Variants in DIP2C observed in about 807,000 individuals in gnomAD.
DIP2C encodes DIP2 acetate--CoA ligase C (putative).
In DIP2C, 33 loss-of-function variants were observed where a neutral mutation model predicts 192.4. The observed-to-expected ratio is 0.17, with a 90% CI of 0.13 to 0.23. The LOEUF is 0.23. DIP2C is among the 10% of genes least tolerant of loss of function. The pLI is 1.00. For missense variants in DIP2C, 1,537 were observed against 2,110.1 expected (o/e 0.73, Z 5.32); for synonymous variants, 979 against 864.1 (o/e 1.13, Z -2.33).
intron 32 of DIP2C, among the ~76,000 whole-genome samples, chr10:292,922 G>A (rs1955565904): frequency 6.6e-6 from 1 of 152,208 alleles, no homozygotes; most frequent in Admixed American, 6.5e-5. Flanking sequence ...CCACCCCCTG[G>A]CAGCACCCGC....
At chr10:375,508 G>A (rs1961455452) in intron 17 of DIP2C, among the ~76,000 whole-genome samples, 1 of 152,300 alleles carries the variant, frequency 6.6e-6, no homozygotes, top group South Asian at 2.1e-4. Context: ...GAAAGAAGCA[G>A]GCCAGACCTT....
intron 1 of DIP2C, among the ~76,000 whole-genome samples, chr10:514,205 C>T (rs1846209931): frequency 7.2e-6 from 1 of 138,724 alleles, no homozygotes; most frequent in Non-Finnish European, 1.5e-5. Flanking sequence ...AACCACCCCC[C>T]TTCCTTGGGC....
At chr10:581,163 C>CCA (rs567645264) in intron 1 of DIP2C, among the ~76,000 whole-genome samples, 234 of 152,198 alleles carry the variant, frequency 1.5e-3, no homozygotes, top group South Asian at 5.0e-3. Context: ...TGGACATCCC[C>CCA]CACCTGGCCA....
chr10:512,510 G>GGA (rs10650733), intron 1 of DIP2C, among the ~76,000 whole-genome samples: 4,286 of 152,340 alleles, frequency 0.028, 135 homozygotes, highest in African/African-American at 0.075. Context: ...TGATCACCCA[G>GGA]GAGGTGAAGG....
At chr10:309,224 C>CT (rs1378717165) in intron 32 of DIP2C, among the ~76,000 whole-genome samples, 1 of 152,100 alleles carries the variant, frequency 6.6e-6, no homozygotes, top group Non-Finnish European at 1.5e-5. Flanking sequence ...AGAGATTCCT[C>CT]TAAAGGGCTT....
At chr10:643,487 C>G (rs1855307290) in intron 1 of DIP2C, among the ~76,000 whole-genome samples, 2 of 152,136 alleles carry the variant, frequency 1.3e-5, no homozygotes, top group East Asian at 3.9e-4. Context: ...GCACTCCAGC[C>G]TGGGTGACAG....
At chr10:592,596 T>A (rs1242665616) in intron 1 of DIP2C, among the ~76,000 whole-genome samples, 1 of 152,200 alleles carries the variant, frequency 6.6e-6, no homozygotes, top group Non-Finnish European at 1.5e-5. Flanking sequence ...AGAAAGGGTA[T>A]GGTTCTGAAT....
At chr10:383,437 T>TA (rs2132892046) in intron 16 of DIP2C, among the ~76,000 whole-genome samples, 1 of 152,366 alleles carries the variant, frequency 6.6e-6, no homozygotes, top group South Asian at 2.1e-4. Context: ...AAAAGCATGC[T>TA]AGCTAGGTTC....
At chr10:331,007 G>C (rs529958718) in intron 29 of DIP2C, among the ~76,000 whole-genome samples, 2 of 136,278 alleles carry the variant, frequency 1.5e-5, no homozygotes, top group Non-Finnish European at 3.1e-5. Context: ...TTGTAGATAC[G>C]GTTTCGTATT....
chr10:393,803 A>G (rs960785530), intron 10 of DIP2C, among the ~76,000 whole-genome samples: 59 of 145,518 alleles, frequency 4.1e-4, no homozygotes, highest in African/African-American at 1.5e-3. Context: ...AAAAGAAAAA[A>G]AAAGAAAAAG....
At chr10:583,903 C>G in intron 1 of DIP2C, among the ~76,000 whole-genome samples, 1 of 152,196 alleles carries the variant, frequency 6.6e-6, no homozygotes, top group South Asian at 2.1e-4. Flanking sequence ...CAAGCACGTG[C>G]CTAGAGATCG....
At chr10:407,508 C>T (rs758245127) in intron 9 of DIP2C, among the ~76,000 whole-genome samples, 2 of 152,160 alleles carry the variant, frequency 1.3e-5, no homozygotes, top group Non-Finnish European at 2.9e-5. Flanking sequence ...GGGACTGTCA[C>T]GTTTTTCGGA....
At chr10:576,532 C>T (rs761516852) in intron 1 of DIP2C, among the ~76,000 whole-genome samples, 8 of 152,216 alleles carry the variant, frequency 5.3e-5, no homozygotes, top group Non-Finnish European at 2.9e-5. Flanking sequence ...TGTACATACA[C>T]AACCACATTC....
chr10:384,037 G>A lies in DIP2C; in HGVS notation c.1866C>T (p.Gly622=), dbSNP rs10904083. ...ACGCTCCTCACTTACAGGGGTTCGC[G>A]CCGTCCGCCACTATCAGCATTCGCA... ...SSLRMLIVAD[G]ANPWSISSCD... Residue 622 remains glycine, a synonymous_variant, in exon 16 of 37, where the codon GGC becomes GGT. Transcript: ENST00000280886. 564,158 of 1,597,882 alleles carry A rather than the reference G, an allele frequency of 0.35. 102,087 individuals carry two copies. Among genetic ancestry groups the A allele is most frequent in the East Asian group, 0.48 (21,158 of 43,694 alleles).
At chr10:346,375 C>T (rs71492977) in intron 26 of DIP2C, among the ~76,000 whole-genome samples, 958 of 3,122 alleles carry the variant, frequency 0.31, 370 homozygotes, top group Non-Finnish European at 0.51. Context: ...AGACATATCG[C>T]GTATAGTTCT....
At position 321,640 on chromosome 10, in the gene DIP2C, C is replaced by G. The variant is rs78002308; in HGVS notation, c.3924+5366G>C. Among the ~76,000 whole-genome samples the G allele has an allele frequency of 3.8e-4, 30 of 78,430 alleles. 1 individual carries two copies. Among genetic ancestry groups the G allele is most frequent in the African/African-American group, 1.7e-3 (27 of 16,290 alleles). The allele number at this position is 78,430 out of a possible 152,430, so 51.5% of individuals were successfully genotyped here. On this transcript the variant is annotated intron_variant, in intron 31 of 36. Coordinates refer to ENST00000280886, the MANE Select transcript of DIP2C (RefSeq NM_014974.3). ...GTCAGTCGGGGGTGCGGGGCTCCGG[C>G]GAGAGACCGGCGCTGTTAGAACAGT...
At chr10:653,191 A>T (rs1856057376) in intron 1 of DIP2C, among the ~76,000 whole-genome samples, 1 of 151,992 alleles carries the variant, frequency 6.6e-6, no homozygotes, top group South Asian at 2.1e-4. Flanking sequence ...GCTCATGCCT[A>T]TAATGCCAGC....
intron 32 of DIP2C, among the ~76,000 whole-genome samples, chr10:303,823 G>T (rs7477384): frequency 1.3e-5 from 2 of 152,090 alleles, no homozygotes; most frequent in East Asian, 3.9e-4. Context: ...GCGCCTGGCC[G>T]AAAGTTTTTT....
chr10:630,448 G>A (rs1260884505), intron 1 of DIP2C: 1 of 152,224 alleles, frequency 6.6e-6, no homozygotes, highest in East Asian at 1.9e-4. Context: ...CATATTCATG[G>A]CATTATGAAT....
Sources: gnomAD v4.1 joint callset for allele counts (sites outside exome capture counted in the v4.1 genomes callset) on GRCh38, gnomAD v4.1.1 for gene constraint, MANE v1.5 for transcripts, NCBI Gene and HGNC (gene_info 2026-07-23, HGNC 2026-07-21) for gene names.